The following RGPD3 variants were observed in gnomAD, a reference collection of about 807,000 sequenced individuals.
The protein encoded by RGPD3 is RANBP2 like and GRIP domain containing 3.
Under a neutral mutation model 154.5 loss-of-function variants are expected in RGPD3, and 62 were observed. The ratio of observed to expected loss-of-function variants is 0.40; its 90% CI spans 0.33 to 0.50. RGPD3 has a LOEUF of 0.50. RGPD3 is among the 20% of genes least tolerant of loss of function. The pLI is 0.59. For synonymous variants in RGPD3, 308 were observed against 607.0 expected (o/e 0.51, Z 7.24); for missense variants, 919 against 1,716.8 (o/e 0.54, Z 8.21).
intron 6 of RGPD3, among the ~76,000 whole-genome samples, chr2:106,450,486 C>T (rs1248324585): frequency 6.6e-6 from 1 of 150,556 alleles, no homozygotes; most frequent in Non-Finnish European, 1.5e-5. Flanking sequence ...CCAGATTCTC[C>T]CGAGTGACTC....
At chr2:106,446,283 A>C (rs1157780283) in intron 7 of RGPD3, among the ~76,000 whole-genome samples, 1 of 145,048 alleles carries the variant, frequency 6.9e-6, no homozygotes, top group African/African-American at 2.5e-5. Flanking sequence ...AAAAAAAAAA[A>C]AGGCTGGGCA....
chr2:106,449,208 T>C (rs1350987931), intron 6 of RGPD3, among the ~76,000 whole-genome samples: 1 of 151,204 alleles, frequency 6.6e-6, no homozygotes, highest in African/African-American at 2.4e-5. Flanking sequence ...CTCACACATG[T>C]AATTCCAGCA....
intron 9 of RGPD3, among the ~76,000 whole-genome samples, chr2:106,437,991 G>T (rs925294448): frequency 6.6e-6 from 1 of 152,254 alleles, no homozygotes; most frequent in African/African-American, 2.4e-5. Context: ...TAGTGCAGCA[G>T]TGTGATCTTG....
At chr2:106,441,809 C>G (rs891244877) in intron 7 of RGPD3, among the ~76,000 whole-genome samples, 2 of 133,166 alleles carry the variant, frequency 1.5e-5, no homozygotes, top group Non-Finnish European at 3.1e-5. Flanking sequence ...GGTTGTAGTG[C>G]GCCGAGACTG....
At chr2:106,427,362 G>C (rs1286356724) in intron 18 of RGPD3, among the ~76,000 whole-genome samples, 1 of 151,354 alleles carries the variant, frequency 6.6e-6, no homozygotes, top group Non-Finnish European at 1.5e-5. Flanking sequence ...GAACACAAAT[G>C]TGTTCGTTGG....
intron 6 of RGPD3, among the ~76,000 whole-genome samples, chr2:106,451,338 C>T (rs1457847807): frequency 6.6e-6 from 1 of 151,324 alleles, no homozygotes; most frequent in East Asian, 1.9e-4. Context: ...TTACCTACTC[C>T]CTGCACTCAG....
chr2:106,459,824 ACAT>A (rs1275560684), intron 1 of RGPD3, among the ~76,000 whole-genome samples: 7 of 132,710 alleles, frequency 5.3e-5, no homozygotes, highest in Admixed American at 1.6e-4. Flanking sequence ...CATCTCCCAA[ACAT>A]CATCATCATC....
intron 6 of RGPD3, among the ~76,000 whole-genome samples, chr2:106,451,095 A>AT (rs1456530523): frequency 6.9e-6 from 1 of 144,734 alleles, no homozygotes; most frequent in African/African-American, 2.6e-5. Context: ...CTCAAAAAAA[A>AT]AAAAACAAAA....
chr2:106,455,212 T>C (rs1386371419), intron 4 of RGPD3, among the ~76,000 whole-genome samples: 4 of 149,770 alleles, frequency 2.7e-5, no homozygotes, highest in Admixed American at 6.7e-5. Flanking sequence ...TTGTGGACCA[T>C]GAAATACTAC....
intron 22 of RGPD3, among the ~76,000 whole-genome samples, chr2:106,411,206 G>A (rs898934826): frequency 1.2e-3 from 170 of 139,130 alleles, no homozygotes; most frequent in Non-Finnish European, 2.0e-3. Context: ...ACTCTTATCA[G>A]TTTAGTTATT....
chr2:106,411,867 A>G (rs1558832764), intron 22 of RGPD3, among the ~76,000 whole-genome samples: 1 of 152,150 alleles, frequency 6.6e-6, no homozygotes, highest in Admixed American at 6.5e-5. Flanking sequence ...ACATCAACCA[A>G]ATGCAATATA....
At chr2:106,411,840 A>C (rs1361530020) in intron 22 of RGPD3, among the ~76,000 whole-genome samples, 1 of 152,182 alleles carries the variant, frequency 6.6e-6, no homozygotes, top group Non-Finnish European at 1.5e-5. Context: ...ACACAACAAC[A>C]AAATAAAGCT....
chr2:106,410,707 TTTACTC>T (rs1676644288), intron 22 of RGPD3, among the ~76,000 whole-genome samples: 1 of 152,154 alleles, frequency 6.6e-6, no homozygotes, highest in South Asian at 2.1e-4. Flanking sequence ...TAGGGGCAGT[TTTACTC>T]TTAGGTGACT....
intron 21 of RGPD3, among the ~76,000 whole-genome samples, chr2:106,413,595 T>A (rs1255000833): frequency 6.6e-6 from 1 of 152,226 alleles, no homozygotes; most frequent in African/African-American, 2.4e-5. Context: ...GACTCCACTG[T>A]CCTAAGCTAT....
At chr2:106,429,974 C>A (rs1188459222) in intron 17 of RGPD3, among the ~76,000 whole-genome samples, 193 bp from the exon 18 acceptor site, 2 of 152,028 alleles carry the variant, frequency 1.3e-5, no homozygotes, top group African/African-American at 4.8e-5. Flanking sequence ...ACCTCCACCT[C>A]CTGGGCTCAA....
At chr2:106,446,551 C>A (rs1573285253) in intron 7 of RGPD3, among the ~76,000 whole-genome samples, 1 of 71,916 alleles carries the variant, frequency 1.4e-5, no homozygotes. Context: ...GCCTGGGCGA[C>A]AGAGCGAGAC....
At chr2:106,457,277 G>A (rs1275822431) in intron 3 of RGPD3, among the ~76,000 whole-genome samples, 154 bp from the exon 4 acceptor site, 19 of 152,346 alleles carry the variant, frequency 1.2e-4, no homozygotes, top group African/African-American at 4.6e-4. Context: ...CTTCAAAGGT[G>A]TTCAAATAAA....
In RGPD3 at chr2:106,413,235, C is replaced by G; in HGVS notation, c.5115G>C (p.Val1705=). The change falls in exon 22 of 23, where the codon GTG becomes GTC. Residue 1705 remains valine, a synonymous_variant. Transcript: ENST00000409886. The stretch of plus-strand genomic sequence containing the variant: ...TCAAGTGTTCCACGTTAGCTGCAGA[C>G]ACCTCTTGCTCTTGATTCCTTTCCA... ...RRLERNQEQE[V]SAANVEHLKN... is the part of the protein sequence containing the mutation. 1.2e-6 allele frequency: 2 copies of G among 1,612,020 alleles called. No individual in the cohort carries two copies. Among genetic ancestry groups the G allele is most frequent in the South Asian group, 2.2e-5 (2 of 90,988 alleles).
rs769567991 is a variant in RGPD3, at chr2:106,423,594, T to A, written c.4373A>T (p.Lys1458Met). 6.3e-7 allele frequency: 1 copy of A among 1,580,278 alleles called. No individual in the cohort carries two copies. The highest frequency in any genetic ancestry group is 2.3e-5 in the East Asian group (1 of 44,212). The part of the protein sequence containing the change: ...FKLQDVADSF[K>M]KIFDEAKTAQ... ...TGTTTTTGCTTCATCAAAAATTTTCTTAAACGAGTCTGCAACATCCTGTAG... is the reference window on the plus strand; with the variant it reads ...TGTTTTTGCTTCATCAAAAATTTTCATAAACGAGTCTGCAACATCCTGTAG... Residue 1458 changes from lysine (K) to methionine (M), a missense_variant, in exon 20 of 23, where the codon AAG becomes ATG. Transcript: ENST00000409886.
Sources: allele counts gnomAD v4.1 joint callset (sites outside exome capture counted in the v4.1 genomes callset), GRCh38; gene constraint gnomAD v4.1.1; transcripts MANE v1.5; gene names NCBI Gene and HGNC (gene_info 2026-07-23, HGNC 2026-07-21).